AHNAK2: variants seen among roughly 807,000 people sequenced by gnomAD.
The protein encoded by AHNAK2 is AHNAK nucleoprotein 2.
AHNAK2 carries 18 observed loss-of-function variants against 30.7 expected under a neutral mutation model. That is an observed-to-expected ratio of 0.59 (90% confidence interval 0.41 to 0.87). The LOEUF (loss-of-function observed/expected upper bound fraction) is 0.87, where lower values mean the gene tolerates loss of function less well. AHNAK2 is among the 40% of genes least tolerant of loss of function. AHNAK2 has a pLI of 0.00. For synonymous variants in AHNAK2, 3,590 were observed against 3,073.8 expected (o/e 1.17, Z -5.56); for missense variants, 8,604 against 7,373.0 (o/e 1.17, Z -6.11).
rs1180890732 is a variant in AHNAK2 at position 104,943,686 on chromosome 14, A to G, written c.11765T>C (p.Val3922Ala). 6.2e-7 allele frequency: 1 copy of G among 1,613,110 alleles called. No homozygotes were observed. Among genetic ancestry groups the G allele is most frequent in the Non-Finnish European group, 8.5e-7 (1 of 1,179,620 alleles). ...KLDLKDPKVEVTAPDVEVSLP... is the reference protein window; with the variant it reads ...KLDLKDPKVEATAPDVEVSLP... Reference sequence around the variant, plus strand: ...AGAAACCTCCACATCAGGGGCTGTCACTTCCACCTTGGGGTCTTTTAGGTC... The same window carrying G: ...AGAAACCTCCACATCAGGGGCTGTCGCTTCCACCTTGGGGTCTTTTAGGTC... Residue 3922 changes from valine (V) to alanine (A), a missense_variant, in exon 7 of 7, where the codon GTG (valine) becomes GCG (alanine). Coordinates refer to ENST00000333244, the MANE Select transcript of AHNAK2 (RefSeq NM_138420.4).
chr14:104,958,124 G>A (rs1899033653), intron 1 of AHNAK2, among the ~76,000 whole-genome samples: 2 of 152,214 alleles, frequency 1.3e-5, no homozygotes, highest in African/African-American at 2.4e-5. Context: ...TACTAATGCT[G>A]GGTTTAATAC....
At position 104,941,383 on chromosome 14, in the gene AHNAK2, C is replaced by G; in HGVS notation, c.14068G>C (p.Val4690Leu). 1 of 1,613,418 alleles carries G rather than the reference C, an allele frequency of 6.2e-7. No homozygotes were observed. Among genetic ancestry groups the G allele is most frequent in the Non-Finnish European group, 8.5e-7 (1 of 1,179,886 alleles). Residue 4690 changes from valine (V) to leucine (L), a missense_variant, in exon 7 of 7, where the codon GTT becomes CTT. Val to Leu is a conservative substitution (Grantham distance 32). Coordinates refer to ENST00000333244, the MANE Select transcript of AHNAK2 (RefSeq NM_138420.4). ...PSRDGNLGLA[V>L]GEVGMDSKFK... ...TTCGAATCCATTCCAACTTCTCCAA[C>G]AGCAAGCCCCAAGTTACCATCGCGA... is the stretch of plus-strand genomic sequence containing the variant.
chr14:104,970,626 A>T, intron 1 of AHNAK2: 1 of 667,684 alleles, frequency 1.5e-6, no homozygotes, highest in Non-Finnish European at 1.8e-6. Flanking sequence ...ATCCCACCAG[A>T]GGGAGTGGGC....
In AHNAK2 at chr14:104,948,238, G is replaced by A. The variant is rs372175719; in HGVS notation, c.7213C>T (p.Gln2405Ter). ...AGLKGHLPKL[Q>*]MPSFKMPKVD... ...TTGGGCATCTTGAAACTGGGCATCTGCAGCTTGGGCAGGTGCCCTTTGAGG... is the reference window on the plus strand; with the variant it reads ...TTGGGCATCTTGAAACTGGGCATCTACAGCTTGGGCAGGTGCCCTTTGAGG... The change falls in exon 7 of 7, where the codon CAG becomes TAG. Residue 2405 changes from glutamine to a stop codon, truncating the protein, a stop_gained. Coordinates refer to ENST00000333244, the MANE Select transcript of AHNAK2 (RefSeq NM_138420.4). LOFTEE classifies it low-confidence loss of function (END_TRUNC). The A allele has an allele frequency of 2.5e-6, 4 of 1,612,418 alleles. No homozygotes were observed. Among genetic ancestry groups the A allele is most frequent in the Non-Finnish European group, 3.4e-6 (4 of 1,179,544 alleles).
rs577568873 is a variant in AHNAK2, at chr14:104,961,310, C to G, written c.56-3638G>C. ...CGGGCGGATCACGAGGTCAGGAGAT[C>G]AAAACCATCCTGGCTAACACAGTGA... On this transcript the variant is annotated intron_variant, in intron 1 of 6. Coordinates refer to ENST00000333244, the MANE Select transcript of AHNAK2 (RefSeq NM_138420.4). Among the ~76,000 whole-genome samples the G allele has an allele frequency of 5.3e-5, 8 of 151,550 alleles. No homozygotes were observed. The East Asian group carries it at 7.8e-4, about 15-fold the overall frequency.
Position 104,937,984 on chromosome 14 carries a change from G to C in AHNAK2, c.*79C>G. The C allele has an allele frequency of 4.2e-6, 6 of 1,439,478 alleles. No homozygotes were observed. The highest frequency in any genetic ancestry group is 5.7e-6 in the Non-Finnish European group (6 of 1,056,574). 89.2% of individuals were successfully genotyped at this position (1,439,478 alleles called of 1,614,324 possible). A position where few individuals can be genotyped will look rare whatever the true frequency, so the allele number is the denominator to read the frequency against. ...GGTGGATGTAATGTGCTGTGGGATG[G>C]GGTGCTCCATATGTGTGTGTAGCCT... is the stretch of plus-strand genomic sequence containing the variant. On this transcript the variant is annotated 3_prime_UTR_variant, in exon 7 of 7. Transcript: ENST00000333244.
In AHNAK2 at chr14:104,947,293, G is replaced by A; in HGVS notation, c.8158C>T (p.His2720Tyr). ...TTGAGGCCGGCTCCCTCGGGAACGT[G>A]GCCCTCTGGGAGTTTCACATCCACC... is the stretch of plus-strand genomic sequence containing the variant. The part of the protein sequence containing the change: ...GQVDVKLPEG[H>Y]VPEGAGLKGH... Residue 2720 changes from histidine to tyrosine, a missense_variant, in exon 7 of 7, where the codon CAC becomes TAC. His to Tyr is a moderately conservative substitution (Grantham distance 83, BLOSUM62 2). Transcript: ENST00000333244. The A allele has an allele frequency of 6.2e-7, 1 of 1,611,666 alleles. No homozygotes were observed. Among genetic ancestry groups the A allele is most frequent in the East Asian group, 2.2e-5 (1 of 44,634 alleles).
chr14:104,954,910 G>A lies in AHNAK2; in HGVS notation c.651+47C>T, dbSNP rs201694617. On this transcript the variant is annotated intron_variant, in intron 6 of 6. Coordinates refer to ENST00000333244, the MANE Select transcript of AHNAK2 (RefSeq NM_138420.4). This position sits in a 1 kb window ranked among gnomAD's most constrained non-coding sequence, Gnocchi z 4.3. The stretch of plus-strand genomic sequence containing the variant: ...TCCCCTCCCAGGCTCAGCCAGCAGG[G>A]TAGTGAAGCCAGCTGGGGCCCTGCC... The A allele has an allele frequency of 8.4e-3, 4,296 of 511,720 alleles. 9 individuals carry two copies. Among genetic ancestry groups the A allele is most frequent in the Middle Eastern group, 0.014 (16 of 1,116 alleles). The allele number at this position is 511,720 out of a possible 1,614,324, so 31.7% of individuals were successfully genotyped here.
chr14:104,943,057 T>G lies in AHNAK2; in HGVS notation c.12394A>C (p.Lys4132Gln), dbSNP rs748536277. Residue 4132 changes from lysine (K) to glutamine (Q), a missense_variant, in exon 7 of 7, where the codon AAG becomes CAG. Physicochemically the swap from Lys to Gln is moderately conservative, Grantham distance 53. Transcript: ENST00000333244. ...ATCTTGAACTTGGGCATTTTGAACTTGCTGTCTTTGGCAGTCACATCCTTG... is the reference window on the plus strand; with the variant it reads ...ATCTTGAACTTGGGCATTTTGAACTGGCTGTCTTTGGCAGTCACATCCTTG... ...ADKDVTAKDS[K>Q]FKMPKFKMPS... is the part of the protein sequence containing the mutation. The G allele has an allele frequency of 6.2e-7, 1 of 1,612,816 alleles. No individual in the cohort carries two copies. The highest frequency in any genetic ancestry group is 2.2e-5 in the East Asian group (1 of 44,754).
At position 104,957,494 on chromosome 14, in the gene AHNAK2, A is replaced by C. The variant is rs1899013020; in HGVS notation, c.129T>G (p.Pro43=). Residue 43 remains proline, a synonymous_variant, in exon 3 of 7, where the codon CCT becomes CCG. Transcript: ENST00000333244. ...GCCGTGGTCGAATGCCCTCATCCGC[A>C]GGCCCTTCAGTCACCTGACGGGAGA... ...TEDDHSVTEG[P]ADEGIRPRPQ... is the part of the protein sequence containing the mutation. The C allele has an allele frequency of 1.3e-6, 2 of 1,598,930 alleles. No individual in the cohort carries two copies. Among genetic ancestry groups the C allele is most frequent in the Admixed American group, 1.7e-5 (1 of 58,800 alleles).
In AHNAK2 at chr14:104,947,076, C is replaced by T. The variant is rs751523089; in HGVS notation, c.8375G>A (p.Gly2792Asp). ...GGACAGGTCCCCCTCCAGCCGCGCACCATCCAGCTTTGCTCTCGGGGCCTG... is the reference window on the plus strand; with the variant it reads ...GGACAGGTCCCCCTCCAGCCGCGCATCATCCAGCTTTGCTCTCGGGGCCTG... ...DVQAPRAKLD[G>D]ARLEGDLSLA... is the part of the protein sequence containing the mutation. Residue 2792 changes from glycine (G) to aspartate (D), a missense_variant, in exon 7 of 7, where the codon GGT becomes GAT. Physicochemically the swap from Gly to Asp is moderately conservative, Grantham distance 94. Transcript: ENST00000333244. 6.2e-7 allele frequency: 1 copy of T among 1,612,582 alleles called. No homozygotes were observed. Among genetic ancestry groups the T allele is most frequent in the Non-Finnish European group, 8.5e-7 (1 of 1,179,624 alleles).
rs759256947 is a variant in AHNAK2, at chr14:104,942,433, C to A, written c.13018G>T (p.Asp4340Tyr). The change falls in exon 7 of 7, where the codon GAC becomes TAC. Residue 4340 changes from aspartate to tyrosine, a missense_variant. By Grantham distance (160) the Asp-to-Tyr change is radical. Transcript: ENST00000333244. ...ADVSLPSMQG[D>Y]LKTTHLSIQP... The stretch of plus-strand genomic sequence containing the variant: ...ATGCTGAGGTGAGTGGTCTTCAGGT[C>A]CCCCTGCATGGAGGGGAGGCTCACG... 6.2e-7 allele frequency: 1 copy of A among 1,612,902 alleles called. No homozygotes were observed. The highest frequency in any genetic ancestry group is 1.1e-5 in the South Asian group (1 of 91,054).
At chr14:104,958,697 G>A (rs569167549) in intron 1 of AHNAK2, among the ~76,000 whole-genome samples, 3 of 152,094 alleles carry the variant, frequency 2.0e-5, no homozygotes, top group Non-Finnish European at 4.4e-5. Flanking sequence ...CGGGGTCAGG[G>A]GGAAGATTGT....
rs1396618890 is a variant in AHNAK2 at position 104,950,320 on chromosome 14, G to T, written c.5131C>A (p.Pro1711Thr). ...LKTTDLSIQSPSADLEVQAGQ... is the reference protein window; with the variant it reads ...LKTTDLSIQSTSADLEVQAGQ... Reference sequence around the variant, plus strand: ...GCCTGGACCTCCAGGTCGGCGGAAGGGGACTGAATGCTGAGGTCAGTGGTC... The same window carrying T: ...GCCTGGACCTCCAGGTCGGCGGAAGTGGACTGAATGCTGAGGTCAGTGGTC... The change falls in exon 7 of 7, where the codon CCT becomes ACT. Residue 1711 changes from proline (P) to threonine (T), a missense_variant. Coordinates refer to ENST00000333244, the MANE Select transcript of AHNAK2 (RefSeq NM_138420.4). 6.3e-7 allele frequency: 1 copy of T among 1,584,896 alleles called. No homozygotes were observed. Among genetic ancestry groups the T allele is most frequent in the African/African-American group, 1.4e-5 (1 of 71,696 alleles).
Position 104,938,059 on chromosome 14 carries a change from CCT to C in AHNAK2, c.*2_*3del. On this transcript the variant is annotated 3_prime_UTR_variant, in exon 7 of 7. Coordinates refer to ENST00000333244, the MANE Select transcript of AHNAK2 (RefSeq NM_138420.4). ...ATCTCTCTTGTACTGATGAGCCATA[CCT>C]CTCAGCCTTCATTTGGTCCCAGGCC... The C allele has an allele frequency of 6.2e-7, 1 of 1,610,582 alleles. No individual in the cohort carries two copies. The highest frequency in any genetic ancestry group is 8.5e-7 in the Non-Finnish European group (1 of 1,177,692).
At position 104,946,975 on chromosome 14, in the gene AHNAK2, A is replaced by C. The variant is rs1286011661; in HGVS notation, c.8476T>G (p.Ser2826Ala). Residue 2826 changes from serine (S) to alanine (A), a missense_variant, in exon 7 of 7, where the codon TCG becomes GCG. Ser to Ala is a moderately conservative substitution (Grantham distance 99). Transcript: ENST00000333244. ...PKFKMPSFGV[S>A]APGKSIEASV... ...GCCTCGATGGACTTGCCTGGGGCCG[A>C]CACCCCGAATGACGGCATCTTGAAC... The C allele has an allele frequency of 6.2e-6, 10 of 1,611,834 alleles. No homozygotes were observed. In the East Asian group the frequency reaches 2.2e-4, roughly 36 times the overall value.
intron 1 of AHNAK2, among the ~76,000 whole-genome samples, chr14:104,959,555 T>C (rs1188791576): frequency 2.0e-5 from 3 of 152,158 alleles, no homozygotes; most frequent in African/African-American, 7.2e-5. Context: ...GAGGATAGCT[T>C]AAGCCTGAGA....
rs764655137 is a variant in AHNAK2 at position 104,944,503 on chromosome 14, C to G, written c.10948G>C (p.Val3650Leu). The G allele has an allele frequency of 1.9e-6, 3 of 1,613,058 alleles. No homozygotes were observed. The highest frequency in any genetic ancestry group is 2.2e-5 in the South Asian group (2 of 91,020). The stretch of plus-strand genomic sequence containing the variant: ...TCCATGGACTTCCCTGGGGCCGATA[C>G]CCTGAATGACGGCATCTTGAATTTG... ...MPKFKMPSFR[V>L]SAPGKSMEAS... is the part of the protein sequence containing the mutation. The change falls in exon 7 of 7, where the codon GTA becomes CTA. Residue 3650 changes from valine to leucine, a missense_variant. Val to Leu is a conservative substitution (Grantham distance 32). Transcript: ENST00000333244.
intron 1 of AHNAK2, among the ~76,000 whole-genome samples, chr14:104,963,947 T>C (rs978228474): frequency 1.3e-4 from 19 of 151,856 alleles, no homozygotes; most frequent in African/African-American, 4.4e-4. Context: ...GAAAACACTA[T>C]GGATGGTTCC....
Sources: gnomAD v4.1 joint callset for allele counts (sites outside exome capture counted in the v4.1 genomes callset) on GRCh38, gnomAD v4.1.1 for gene constraint, Gnocchi (gnomAD v3.1) non-coding constraint, MANE v1.5 for transcripts, NCBI Gene and HGNC (gene_info 2026-07-23, HGNC 2026-07-21) for gene names.